ARID1A: variants seen among roughly 807,000 people sequenced by gnomAD.
The protein encoded by ARID1A is AT-rich interactive domain-containing protein 1A.
A neutral mutation model predicts 212.6 loss-of-function variants in ARID1A; 20 were observed. The ratio of observed to expected loss-of-function variants is 0.09; its 90% CI spans 0.07 to 0.14. The LOEUF is 0.14. Ranked by LOEUF, ARID1A falls within the 10% of genes least tolerant of loss-of-function variation. ARID1A has a pLI of 1.00. For synonymous variants in ARID1A, 1,376 were observed against 1,222.1 expected, an observed-to-expected ratio of 1.13 and a Z score of -2.63; for missense variants, 2,587 against 3,059.0, an observed-to-expected ratio of 0.85 and a Z score of 3.64.
intron 4 of ARID1A, among the ~76,000 whole-genome samples, chr1:26,737,523 A>G (rs974609453): frequency 8.5e-5 from 13 of 152,070 alleles, no homozygotes; most frequent in African/African-American, 3.1e-4. Flanking sequence ...GTGGTTCTCT[A>G]CTGTGTCTGC....
At chr1:26,720,169 T>C (rs1331538421) in intron 1 of ARID1A, among the ~76,000 whole-genome samples, 1 of 151,404 alleles carries the variant, frequency 6.6e-6, no homozygotes, top group Admixed American at 6.6e-5. Flanking sequence ...GAGAATTGCT[T>C]GAACCCGAGA....
intron 4 of ARID1A, among the ~76,000 whole-genome samples, chr1:26,753,563 T>C (rs965280315): frequency 2.0e-5 from 3 of 152,190 alleles, no homozygotes; most frequent in African/African-American, 4.8e-5. Flanking sequence ...AGATGAGCAA[T>C]AAAATGCACA....
In ARID1A at chr1:26,772,609, G is replaced by C. The variant is rs2081092504; in HGVS notation, c.3516G>C (p.Gln1172His). ...PPTPASTPHS[Q>H]IPPLPGMSRS... The stretch of plus-strand genomic sequence containing the variant: ...CTCCAGCATCCACACCACACAGTCA[G>C]ATCCCCCCATTGCCAGGCATGAGGT... Residue 1172 changes from glutamine to histidine, a missense_variant, in exon 13 of 20, where the codon CAG becomes CAC. By Grantham distance (24) the Gln-to-His change is conservative. Coordinates refer to ENST00000324856, the MANE Select transcript of ARID1A (RefSeq NM_006015.6). 1 of 1,614,208 alleles carries C rather than the reference G, an allele frequency of 6.2e-7. No homozygotes were observed. Among genetic ancestry groups the C allele is most frequent in the Non-Finnish European group, 8.5e-7 (1 of 1,180,036 alleles).
At chr1:26,714,797 G>A (rs1242246429) in intron 1 of ARID1A, among the ~76,000 whole-genome samples, 1 of 152,154 alleles carries the variant, frequency 6.6e-6, no homozygotes, top group Non-Finnish European at 1.5e-5. Context: ...AGTGGACTTA[G>A]GGGGACCTAG....
chr1:26,731,203 A>G lies in ARID1A; in HGVS notation c.1402A>G (p.Thr468Ala), dbSNP rs2124788055. The G allele has an allele frequency of 1.9e-6, 3 of 1,613,772 alleles. No individual in the cohort carries two copies. The highest frequency in any genetic ancestry group is 2.5e-6 in the Non-Finnish European group (3 of 1,179,924). Reference protein sequence around the residue: ...GPSGYGQQGQTPYYNQQSPHP... With the variant: ...GPSGYGQQGQAPYYNQQSPHP... ...CAGCGGGTATGGTCAACAGGGCCAG[A>G]CTCCATATTACAACCAGCAAAGTCC... The change falls in exon 3 of 20, where the codon ACT becomes GCT. Residue 468 changes from threonine (T) to alanine (A), a missense_variant. By Grantham distance (58) the Thr-to-Ala change is moderately conservative (BLOSUM62 0). Coordinates refer to ENST00000324856, the MANE Select transcript of ARID1A (RefSeq NM_006015.6).
At chr1:26,738,843 G>T (rs1240639448) in intron 4 of ARID1A, among the ~76,000 whole-genome samples, 7 of 150,674 alleles carry the variant, frequency 4.6e-5, no homozygotes. Context: ...ATAGGCGTCA[G>T]CCACTGCGCC....
chr1:26,723,915 G>A (rs764218373), intron 1 of ARID1A, among the ~76,000 whole-genome samples: 1 of 152,100 alleles, frequency 6.6e-6, no homozygotes, highest in Non-Finnish European at 1.5e-5. Context: ...TCAAACAGGA[G>A]TACAGCTGGG....
chr1:26,703,355 G>A (rs1320754805), intron 1 of ARID1A, among the ~76,000 whole-genome samples: 1 of 152,096 alleles, frequency 6.6e-6, no homozygotes, highest in African/African-American at 2.4e-5. Flanking sequence ...GTCTGTCTGT[G>A]GTCCTCTTCT....
intron 2 of ARID1A, among the ~76,000 whole-genome samples, chr1:26,730,291 G>C (rs1171055258): frequency 6.6e-6 from 1 of 152,158 alleles, no homozygotes; most frequent in African/African-American, 2.4e-5. Flanking sequence ...GAATGTGACT[G>C]GGAGTAGAAG....
chr1:26,748,580 T>C (rs2080857617), intron 4 of ARID1A, among the ~76,000 whole-genome samples: 1 of 151,704 alleles, frequency 6.6e-6, no homozygotes, highest in African/African-American at 2.4e-5. Flanking sequence ...TTGGCTGCTG[T>C]AACTCAGGCC....
At chr1:26,759,149 A>C (rs2080967875) in intron 4 of ARID1A, among the ~76,000 whole-genome samples, 1 of 152,050 alleles carries the variant, frequency 6.6e-6, no homozygotes, top group African/African-American at 2.4e-5. Flanking sequence ...AATCAAACCA[A>C]CTTGGATCTC....
At chr1:26,734,935 T>G (rs2080714834) in intron 4 of ARID1A, among the ~76,000 whole-genome samples, 1 of 152,204 alleles carries the variant, frequency 6.6e-6, no homozygotes, top group African/African-American at 2.4e-5. Flanking sequence ...CTCATTCACG[T>G]TACCTTCCTG....
chr1:26,761,380 G>A lies in ARID1A; in HGVS notation c.2162-4G>A, dbSNP rs1202341888. On this transcript the variant is annotated splice_polypyrimidine_tract_variant and splice_region_variant and intron_variant, in intron 5 of 19. Transcript: ENST00000324856. ...ATGCTTATGTTGTTCTTTGTCTGGA[G>A]CAGGCAACCAGATGCCACCTCGGCC... 10 of 1,614,108 alleles carry A rather than the reference G, an allele frequency of 6.2e-6. No homozygotes were observed. Among genetic ancestry groups the A allele is most frequent in the Non-Finnish European group, 8.5e-6 (10 of 1,179,944 alleles).
At chr1:26,710,456 A>G (rs2080440423) in intron 1 of ARID1A, among the ~76,000 whole-genome samples, 2 of 149,528 alleles carry the variant, frequency 1.3e-5, no homozygotes, top group East Asian at 4.0e-4. Context: ...AGCCTGGGCG[A>G]CAGAGCGAGA....
intron 1 of ARID1A, among the ~76,000 whole-genome samples, chr1:26,720,183 A>G (rs142893762): frequency 6.6e-6 from 1 of 151,752 alleles, no homozygotes; most frequent in Non-Finnish European, 1.5e-5. Flanking sequence ...CCCGAGAGGC[A>G]TAAGTTGGAG....
chr1:26,705,070 G>T (rs1168545371), intron 1 of ARID1A, among the ~76,000 whole-genome samples: 3 of 152,066 alleles, frequency 2.0e-5, no homozygotes, highest in Admixed American at 2.0e-4. Flanking sequence ...GGCATGTCCA[G>T]TGCCAGGCCA....
At chr1:26,761,749 A>C (rs2080994088) in intron 6 of ARID1A, among the ~76,000 whole-genome samples, 1 of 152,206 alleles carries the variant, frequency 6.6e-6, no homozygotes, top group African/African-American at 2.4e-5. Flanking sequence ...ACCCAGCAGC[A>C]AATTGTGAAG....
Position 26,696,252 on chromosome 1 carries a change from A to C in ARID1A, c.-152A>C, listed in dbSNP as rs1438755644. 5.1e-5 allele frequency: 41 copies of C among 810,680 alleles called. No individual in the cohort carries two copies. Among genetic ancestry groups the C allele is most frequent in the Non-Finnish European group, 6.3e-5 (41 of 647,800 alleles). 50.2% of individuals were successfully genotyped at this position (810,680 alleles called of 1,614,324 possible). A position where few individuals can be genotyped will look rare whatever the true frequency, so the allele number is the denominator to read the frequency against. ...CCTGAGCCGGCGGGGCGGGGGGGAG[A>C]GGAGCGAGCGCAGCGCAGCAGCGGA... On this transcript the variant is annotated 5_prime_UTR_variant, in exon 1 of 20. Coordinates refer to ENST00000324856, the MANE Select transcript of ARID1A (RefSeq NM_006015.6).
In ARID1A at chr1:26,779,951, A is replaced by G; in HGVS notation, c.6053A>G (p.His2018Arg). 1.2e-6 allele frequency: 2 copies of G among 1,614,166 alleles called. No homozygotes were observed. The highest frequency in any genetic ancestry group is 2.7e-5 in the African/African-American group (2 of 75,052). The change falls in exon 20 of 20, where the codon CAC (histidine) becomes CGC (arginine). Residue 2018 changes from histidine (H) to arginine (R), a missense_variant. Coordinates refer to ENST00000324856, the MANE Select transcript of ARID1A (RefSeq NM_006015.6). ...ATCCTGGGCAAGCTGATCCTGCTGC[A>G]CCACAAGCACCCAGAACGGAAGCAG... ...LLILGKLILL[H>R]HKHPERKQAP...
Sources: allele counts gnomAD v4.1 joint callset (sites outside exome capture counted in the v4.1 genomes callset), GRCh38; gene constraint gnomAD v4.1.1; transcripts MANE v1.5; gene names NCBI Gene and HGNC (gene_info 2026-07-23, HGNC 2026-07-21).